Variants in PRUNE2 observed in about 807,000 individuals in gnomAD.
PRUNE2 encodes the protein prune homolog 2 with BCH domain.
Under a neutral mutation model 252.0 loss-of-function variants are expected in PRUNE2, and 164 were observed. The ratio of observed to expected loss-of-function variants is 0.65; its 90% CI spans 0.57 to 0.74. The LOEUF (loss-of-function observed/expected upper bound fraction) is 0.74. PRUNE2 is among the 30% of genes least tolerant of loss of function. The probability of loss-of-function intolerance (pLI) is 0.00; values close to 1 mark genes in which losing one functional copy is unlikely to be tolerated. For synonymous variants in PRUNE2, 1,292 were observed against 1,350.2 expected (o/e 0.96, Z 0.94); for missense variants, 3,495 against 3,711.0 (o/e 0.94, Z 1.51).
At chr9:76,658,449 AAG>A (rs1217297270) in intron 9 of PRUNE2, among the ~76,000 whole-genome samples, 2 of 152,262 alleles carry the variant, frequency 1.3e-5, no homozygotes. Flanking sequence ...AAGCAAATCT[AAG>A]AGAAACCCAA....
intron 11 of PRUNE2, chr9:76,651,916 A>G (rs1476092338): frequency 1.3e-5 from 2 of 152,240 alleles, no homozygotes; most frequent in African/African-American, 4.8e-5. Flanking sequence ...AATTAGTGAT[A>G]CGTGGAAAAT....
In PRUNE2 at chr9:76,709,447, A is replaced by G. The variant is rs2046553243; in HGVS notation, c.2827T>C (p.Ser943Pro). Residue 943 changes from serine to proline, a missense_variant, in exon 8 of 19, where the codon TCT becomes CCT. Physicochemically the swap from Ser to Pro is moderately conservative, Grantham distance 74. Transcript: ENST00000376718. ...GCACTGTAATCAGAACATTTGTAAGATAAGAAGGAATCTTCCCAAGGAACT... is the reference window on the plus strand; with the variant it reads ...GCACTGTAATCAGAACATTTGTAAGGTAAGAAGGAATCTTCCCAAGGAACT... Reference protein sequence around the residue: ...VLVPWEDSFLSYKCSDYSASN... With the variant: ...VLVPWEDSFLPYKCSDYSASN... The G allele has an allele frequency of 6.2e-7, 1 of 1,613,980 alleles. No homozygotes were observed. The highest frequency in any genetic ancestry group is 1.3e-5 in the African/African-American group (1 of 75,040).
At chr9:76,813,890 C>T (rs945116463) in intron 6 of PRUNE2, among the ~76,000 whole-genome samples, 42 of 152,184 alleles carry the variant, frequency 2.8e-4, no homozygotes, top group Admixed American at 1.3e-3. Context: ...AATCTTGGCT[C>T]ACAGCAACCT....
chr9:76,648,850 A>G (rs990011641), intron 11 of PRUNE2, among the ~76,000 whole-genome samples: 2 of 152,240 alleles, frequency 1.3e-5, no homozygotes, highest in African/African-American at 4.8e-5. Flanking sequence ...CCCTACTGGG[A>G]GCACATCTGG....
At position 76,708,737 on chromosome 9, in the gene PRUNE2, A is replaced by C; in HGVS notation, c.3537T>G (p.Tyr1179Ter). 1 of 1,613,872 alleles carries C rather than the reference A, an allele frequency of 6.2e-7. No individual in the cohort carries two copies. The change falls in exon 8 of 19, where the codon TAT becomes TAG. Residue 1179 changes from tyrosine (Y) to a stop codon, truncating the protein, a stop_gained. Coordinates refer to ENST00000376718, the MANE Select transcript of PRUNE2 (RefSeq NM_015225.3). LOFTEE classifies it high-confidence loss of function. ...VRQLEPWGLE[Y>*]QEANQVDWEL... ...CCCAATCTACCTGATTTGCTTCCTG[A>C]TACTCCAAGCCCCAGGGTTCCAGCT...
chr9:76,690,268 C>T (rs2044568750), intron 9 of PRUNE2, among the ~76,000 whole-genome samples: 2 of 152,220 alleles, frequency 1.3e-5, no homozygotes, highest in South Asian at 4.1e-4. Context: ...AATTGAGAAA[C>T]CATCCCAGAT....
intron 1 of PRUNE2, among the ~76,000 whole-genome samples, chr9:76,887,641 A>G (rs1303229412): frequency 6.6e-6 from 1 of 152,156 alleles, no homozygotes; most frequent in Non-Finnish European, 1.5e-5. Flanking sequence ...TCCATTTCTG[A>G]GCAGAAGCTT....
rs116654861 is a variant in PRUNE2 at position 76,789,816 on chromosome 9, C to T, written c.756+33816G>A. On this transcript the variant is annotated intron_variant, in intron 6 of 18. Transcript: ENST00000376718. ...ATTGACAACCAGGAATTATTGTCTA[C>T]GAATCTTCATTAACATCTTGGTGGT... Among the ~76,000 whole-genome samples the T allele has an allele frequency of 6.6e-3, 1,011 of 152,166 alleles. 18 individuals carry two copies. The highest frequency in any genetic ancestry group is 0.024 in the African/African-American group (988 of 41,504).
chr9:76,842,490 G>C (rs868321308), intron 4 of PRUNE2, among the ~76,000 whole-genome samples: 9 of 121,364 alleles, frequency 7.4e-5, no homozygotes, highest in African/African-American at 4.3e-4. Flanking sequence ...TGACAAATAA[G>C]ATCTAATTAA....
rs199508277 is a variant in PRUNE2 at position 76,838,166 on chromosome 9, T to TC, written c.508+8348_508+8349insG. ...ATTTTTCCTGATCTTGACCTTTTTT[T>TC]TTCTCTTTTATTATACTGCATGCAT... On this transcript the variant is annotated intron_variant, in intron 4 of 18. Transcript: ENST00000376718. Among the ~76,000 whole-genome samples the TC allele has an allele frequency of 4.6e-4, 70 of 151,992 alleles. No homozygotes were observed. In the East Asian group the frequency reaches 0.012, roughly 26 times the overall value.
intron 9 of PRUNE2, among the ~76,000 whole-genome samples, chr9:76,682,873 G>C (rs940466861): frequency 4.6e-5 from 7 of 151,982 alleles, no homozygotes; most frequent in Non-Finnish European, 1.0e-4. Context: ...ATATATAATA[G>C]ATTACTCTAA....
chr9:76,838,955 G>A (rs752671747), intron 4 of PRUNE2, among the ~76,000 whole-genome samples: 1 of 152,016 alleles, frequency 6.6e-6, no homozygotes, highest in Non-Finnish European at 1.5e-5. Context: ...CCACAAGAGG[G>A]CTAAAATACA....
chr9:76,768,042 G>A (rs1373047647), intron 6 of PRUNE2, among the ~76,000 whole-genome samples: 1 of 152,164 alleles, frequency 6.6e-6, no homozygotes, highest in Non-Finnish European at 1.5e-5. Flanking sequence ...ACAGCGGCAG[G>A]TCAGAGGGAG....
chr9:76,866,970 A>G (rs909520471), intron 1 of PRUNE2, among the ~76,000 whole-genome samples: 2 of 152,158 alleles, frequency 1.3e-5, no homozygotes, highest in African/African-American at 2.4e-5. Context: ...TTCGGTTTCA[A>G]TCTGTGGAGG....
intron 6 of PRUNE2, among the ~76,000 whole-genome samples, chr9:76,735,788 A>C (rs2049023751): frequency 6.6e-6 from 1 of 152,226 alleles, no homozygotes; most frequent in Non-Finnish European, 1.5e-5. Flanking sequence ...TTTAGCTGGT[A>C]GTAAGATAAG....
intron 4 of PRUNE2, among the ~76,000 whole-genome samples, chr9:76,843,650 T>C (rs1011181578): frequency 1.5e-4 from 23 of 152,104 alleles, no homozygotes; most frequent in African/African-American, 4.3e-4. Context: ...TTAGGTTTGA[T>C]GTTACTACAT....
intron 4 of PRUNE2, among the ~76,000 whole-genome samples, chr9:76,828,747 G>A (rs187501937): frequency 3.3e-5 from 5 of 152,090 alleles, no homozygotes; most frequent in Non-Finnish European, 7.4e-5. Context: ...CGGGCGCAGC[G>A]GCTCATGCCT....
intron 6 of PRUNE2, among the ~76,000 whole-genome samples, chr9:76,720,695 G>C (rs560899467): frequency 2.0e-5 from 3 of 152,130 alleles, no homozygotes; most frequent in South Asian, 4.2e-4. Flanking sequence ...GTGGGGACTG[G>C]TTATGACAAT....
chr9:76,669,696 G>A (rs756498173), intron 9 of PRUNE2, among the ~76,000 whole-genome samples: 10 of 152,200 alleles, frequency 6.6e-5, no homozygotes, highest in Admixed American at 3.3e-4. Context: ...CCAACTGGGC[G>A]TGAGATGCCA....
Sources: allele counts gnomAD v4.1 joint callset (sites outside exome capture counted in the v4.1 genomes callset), GRCh38; gene constraint gnomAD v4.1.1; transcripts MANE v1.5; gene names NCBI Gene and HGNC (gene_info 2026-07-23, HGNC 2026-07-21).